Variants in EVA1C observed in about 807,000 individuals in gnomAD.
The protein encoded by EVA1C is eva-1 homolog C, also known as protein eva-1 homolog C.
In EVA1C, 25 loss-of-function variants were observed where a neutral mutation model predicts 45.4. The ratio of observed to expected loss-of-function variants is 0.55; its 90% CI spans 0.40 to 0.77. The LOEUF is 0.77. Among genes scored for constraint, EVA1C ranks in the 30% least tolerant of loss-of-function variants. EVA1C has a pLI of 0.00. For synonymous variants in EVA1C, 190 were observed against 221.2 expected (o/e 0.86, Z 1.25); for missense variants, 479 against 554.8 (o/e 0.86, Z 1.37).
chr21:32,467,492 G>A (rs1023205162), intron 3 of EVA1C, among the ~76,000 whole-genome samples: 5 of 152,192 alleles, frequency 3.3e-5, no homozygotes, highest in South Asian at 2.1e-4. Flanking sequence ...GGGTCTTTGC[G>A]CTTGTCAACA....
intron 1 of EVA1C, among the ~76,000 whole-genome samples, chr21:32,420,677 A>G (rs2034235021): frequency 6.6e-6 from 1 of 152,202 alleles, no homozygotes; most frequent in Admixed American, 6.5e-5. Flanking sequence ...TACAGGAGTG[A>G]GCCACTGTGC....
intron 7 of EVA1C, among the ~76,000 whole-genome samples, chr21:32,510,547 C>T (rs1445887370): frequency 2.0e-5 from 3 of 152,152 alleles, no homozygotes; most frequent in African/African-American, 4.8e-5. Flanking sequence ...ATATTTGCAA[C>T]AGAGACCATA....
intron 5 of EVA1C, among the ~76,000 whole-genome samples, chr21:32,499,997 AT>A (rs1276641050): frequency 4.6e-5 from 7 of 152,126 alleles, no homozygotes. Flanking sequence ...CTTTCTGATA[AT>A]ATTTAGCAAA....
chr21:32,446,014 C>T (rs9976945), intron 1 of EVA1C, among the ~76,000 whole-genome samples: 24,770 of 151,938 alleles, frequency 0.16, 2,272 homozygotes, highest in Admixed American at 0.24. Flanking sequence ...GAGGCTGAGG[C>T]GGGAGGATCA....
chr21:32,415,434 C>T (rs1484062669), intron 1 of EVA1C, among the ~76,000 whole-genome samples: 6 of 152,176 alleles, frequency 3.9e-5, no homozygotes, highest in Non-Finnish European at 8.8e-5. Context: ...GGGTCCCAGC[C>T]ATTGTCTGTA....
At position 32,437,226 on chromosome 21, in the gene EVA1C, C is replaced by T. The variant is rs542819964; in HGVS notation, c.161-16086C>T. Among the ~76,000 whole-genome samples the T allele has an allele frequency of 2.6e-5, 4 of 152,350 alleles. No individual in the cohort carries two copies. The East Asian group carries it at 7.7e-4, about 29-fold the overall frequency. On this transcript the variant is annotated intron_variant, in intron 1 of 7. Coordinates refer to ENST00000300255, the MANE Select transcript of EVA1C (RefSeq NM_058187.5). ...ATGAGGAGGAATTTTAAGACAGTAA[C>T]AGCAGAGCATTAAGCCAAGCTCCGG... is the stretch of plus-strand genomic sequence containing the variant.
chr21:32,507,765 T>C (rs1474287767), intron 7 of EVA1C, among the ~76,000 whole-genome samples: 3 of 151,824 alleles, frequency 2.0e-5, no homozygotes, highest in Non-Finnish European at 4.4e-5. Flanking sequence ...TTTGCGTGTG[T>C]GTGCATGTAT....
intron 3 of EVA1C, among the ~76,000 whole-genome samples, chr21:32,458,803 C>T (rs2035888166): frequency 6.6e-6 from 1 of 152,018 alleles, no homozygotes; most frequent in Non-Finnish European, 1.5e-5. Flanking sequence ...TTTAAACCTC[C>T]TCCCTGCCAC....
chr21:32,488,046 T>C (rs1181971188), intron 4 of EVA1C, among the ~76,000 whole-genome samples: 3 of 152,050 alleles, frequency 2.0e-5, no homozygotes, highest in South Asian at 4.1e-4. Flanking sequence ...AGGTAGTCAG[T>C]GTAAGTTTTC....
intron 7 of EVA1C, among the ~76,000 whole-genome samples, chr21:32,512,932 C>T (rs978742669): frequency 6.6e-6 from 1 of 151,540 alleles, no homozygotes; most frequent in Non-Finnish European, 1.5e-5. Context: ...AAAGTGAAGT[C>T]GGGAGAGATG....
intron 4 of EVA1C, among the ~76,000 whole-genome samples, chr21:32,475,856 T>C (rs2036535594): frequency 6.6e-6 from 1 of 151,854 alleles, no homozygotes; most frequent in African/African-American, 2.4e-5. Context: ...TTACAGTTCT[T>C]CACAGAGTTC....
At chr21:32,475,877 C>T (rs1372205345) in intron 4 of EVA1C, among the ~76,000 whole-genome samples, 3 of 73,134 alleles carry the variant, frequency 4.1e-5, no homozygotes, top group Non-Finnish European at 7.8e-5. Context: ...TTTCTAAAAA[C>T]TTTATCTATC....
chr21:32,506,585 C>T (rs549415214), intron 7 of EVA1C, among the ~76,000 whole-genome samples: 16 of 151,912 alleles, frequency 1.1e-4, no homozygotes, highest in African/African-American at 3.9e-4. Context: ...CTCACAAAGC[C>T]CTAGTAGAAC....
chr21:32,458,611 A>C (rs9984127), intron 3 of EVA1C, among the ~76,000 whole-genome samples: 1 of 151,536 alleles, frequency 6.6e-6, no homozygotes, highest in East Asian at 1.9e-4. Flanking sequence ...CTTCCTGAGT[A>C]ACTGGGACTA....
Position 32,453,295 on chromosome 21 carries a change from G to C in EVA1C, c.161-17G>C. 4.4e-6 allele frequency: 7 copies of C among 1,580,066 alleles called. No individual in the cohort carries two copies. The highest frequency in any genetic ancestry group is 6.1e-6 in the Non-Finnish European group (7 of 1,154,262). ...TGGGTTCCTGGGCCTCTAGTAACTC[G>C]ACTGAATATTTTCCAGGTTACCTAA... On this transcript the variant is annotated splice_polypyrimidine_tract_variant and intron_variant, in intron 1 of 7. Coordinates refer to ENST00000300255, the MANE Select transcript of EVA1C (RefSeq NM_058187.5).
chr21:32,427,346 CA>C (rs540307383), intron 1 of EVA1C, among the ~76,000 whole-genome samples: 10 of 152,318 alleles, frequency 6.6e-5, no homozygotes, highest in Admixed American at 1.3e-4. Context: ...TTTGGAAACG[CA>C]GGCCTAAAGA....
At chr21:32,466,812 C>G (rs139298789) in intron 3 of EVA1C, among the ~76,000 whole-genome samples, 1 of 145,320 alleles carries the variant, frequency 6.9e-6, no homozygotes, top group Non-Finnish European at 1.5e-5. Context: ...TGGTATCATA[C>G]CATCTTTCTT....
rs1193086777 is a variant in EVA1C, at chr21:32,413,108, G to A, written c.160+95G>A. 5 of 1,122,484 alleles carry A rather than the reference G, an allele frequency of 4.5e-6. No individual in the cohort carries two copies. The East Asian group carries it at 1.6e-4, about 36-fold the overall frequency. The allele number at this position is 1,122,484 out of a possible 1,614,324, so 69.5% of individuals were successfully genotyped here. On this transcript the variant is annotated intron_variant, in intron 1 of 7. Coordinates refer to ENST00000300255, the MANE Select transcript of EVA1C (RefSeq NM_058187.5). ...CAGCCGCACCAGTGGACACGGCGGG[G>A]TAGGATTAAAGTTGAGGCGTGCTCA...
intron 4 of EVA1C, among the ~76,000 whole-genome samples, chr21:32,475,809 C>G (rs1347279114): frequency 1.3e-5 from 2 of 152,034 alleles, no homozygotes; most frequent in Non-Finnish European, 2.9e-5. Flanking sequence ...GGAATAAATT[C>G]CCGGAAGTTT....
Sources: allele counts gnomAD v4.1 joint callset (sites outside exome capture counted in the v4.1 genomes callset), GRCh38; gene constraint gnomAD v4.1.1; transcripts MANE v1.5; gene names NCBI Gene and HGNC (gene_info 2026-07-23, HGNC 2026-07-21).